The following RMND1 variants were observed in gnomAD, a reference collection of about 807,000 sequenced individuals.
RMND1 encodes required for meiotic nuclear division protein 1 homolog.
RMND1 carries 41 observed loss-of-function variants against 54.0 expected under a neutral mutation model. That is an observed-to-expected ratio of 0.76 (90% confidence interval 0.59 to 0.98). The LOEUF (loss-of-function observed/expected upper bound fraction) is 0.98, where lower values mean the gene tolerates loss of function less well. Among genes scored for constraint, RMND1 ranks in the 50% least tolerant of loss-of-function variants. The pLI, the probability that RMND1 is intolerant of heterozygous loss-of-function variation, is 0.00. For missense variants in RMND1, 457 were observed against 532.0 expected (o/e 0.86, Z 1.39); for synonymous variants, 183 against 181.7 (o/e 1.01, Z -0.06).
Position 151,431,937 on chromosome 6 carries a change from CTTT to C in RMND1, c.689+1215_689+1217del, listed in dbSNP as rs945752741. Among the ~76,000 whole-genome samples, 128 of 143,774 alleles carry C rather than the reference CTTT, an allele frequency of 8.9e-4. 2 individuals are homozygous for C. The highest frequency in any genetic ancestry group is 7.9e-3 in the Admixed American group (114 of 14,384). 94.3% of individuals were successfully genotyped at this position (143,774 alleles called of 152,430 possible). ...AGGCTTGCATTATATTTCTTTCTTT[CTTT>C]TTTTTTTTTTCTTTGAGGCAGAGTC... On this transcript the variant is annotated intron_variant, in intron 4 of 11. Transcript: ENST00000444024.
chr6:151,416,913 CTCT>C (rs995770082), intron 10 of RMND1: 1 of 157,782 alleles, frequency 6.3e-6, no homozygotes, highest in Non-Finnish European at 1.4e-5. Flanking sequence ...TCTCCATGGC[CTCT>C]TATTACCCAT....
At chr6:151,428,694 G>C (rs1321797699) in intron 5 of RMND1, among the ~76,000 whole-genome samples, 1 of 152,062 alleles carries the variant, frequency 6.6e-6, no homozygotes, top group Non-Finnish European at 1.5e-5. Flanking sequence ...ACCACACCTG[G>C]CTAACTTCTA....
At chr6:151,408,517 T>C (rs896539962) in intron 10 of RMND1, 1 of 152,096 alleles carries the variant, frequency 6.6e-6, no homozygotes, top group Non-Finnish European at 1.5e-5. Flanking sequence ...GTACTACATA[T>C]GGTATAGGCA....
intron 6 of RMND1, among the ~76,000 whole-genome samples, chr6:151,426,885 T>C (rs903274381): frequency 6.6e-6 from 1 of 151,974 alleles, no homozygotes; most frequent in African/African-American, 2.4e-5. Context: ...TTCTCCTGTC[T>C]CAGCCTCCCG....
chr6:151,405,590 A>T, intron 11 of RMND1, 130 bp downstream of exon 11: 1 of 631,784 alleles, frequency 1.6e-6, no homozygotes, highest in South Asian at 2.0e-5. Context: ...TTCCAAATAG[A>T]GTTAGTAATG....
chr6:151,437,794 T>A (rs1447991828), intron 2 of RMND1, among the ~76,000 whole-genome samples: 1 of 152,162 alleles, frequency 6.6e-6, no homozygotes, highest in Non-Finnish European at 1.5e-5. Flanking sequence ...CTGACCCCAT[T>A]TGCCCTTCCT....
intron 1 of RMND1, among the ~76,000 whole-genome samples, chr6:151,446,777 C>T (rs1175257319): frequency 6.6e-6 from 1 of 151,960 alleles, no homozygotes; most frequent in Non-Finnish European, 1.5e-5. Context: ...AGCATAGTGG[C>T]TTTAATCCCA....
intron 1 of RMND1, among the ~76,000 whole-genome samples, chr6:151,450,549 C>T (rs867701685): frequency 2.7e-5 from 4 of 146,610 alleles, no homozygotes; most frequent in Non-Finnish European, 3.0e-5. Flanking sequence ...GCCCCCCGCC[C>T]GGCCAGCCGC....
At chr6:151,408,491 T>C (rs1260151000) in intron 10 of RMND1, among the ~76,000 whole-genome samples, 3 of 152,022 alleles carry the variant, frequency 2.0e-5, no homozygotes, top group Non-Finnish European at 2.9e-5. Context: ...TAGTACCAGA[T>C]TGTGAGAGGT....
Position 151,405,279 on chromosome 6 carries a change from A to T in RMND1, c.1318-12T>A. ...AGCTCAAACATTACCTTAGAATAGAAAGTGAGAATTATTTCATGACGGGCA... is the reference window on the plus strand; with the variant it reads ...AGCTCAAACATTACCTTAGAATAGATAGTGAGAATTATTTCATGACGGGCA... On this transcript the variant is annotated splice_polypyrimidine_tract_variant and intron_variant, in intron 11 of 11. Transcript: ENST00000444024. 6.2e-7 allele frequency: 1 copy of T among 1,611,554 alleles called. No homozygotes were observed. Among genetic ancestry groups the T allele is most frequent in the Non-Finnish European group, 8.5e-7 (1 of 1,177,838 alleles).
At chr6:151,450,849 C>G (rs1178563945) in intron 1 of RMND1, among the ~76,000 whole-genome samples, 2 of 152,138 alleles carry the variant, frequency 1.3e-5, no homozygotes, top group African/African-American at 2.4e-5. Context: ...TCATTTTGTT[C>G]CATACTAAGA....
At chr6:151,431,901 C>T (rs2114951883) in intron 4 of RMND1, among the ~76,000 whole-genome samples, 1 of 151,144 alleles carries the variant, frequency 6.6e-6, no homozygotes, top group South Asian at 2.1e-4. Context: ...GAAAATGTAT[C>T]ATTACATATG....
intron 10 of RMND1, among the ~76,000 whole-genome samples, chr6:151,415,033 G>T (rs368420919): frequency 2.0e-5 from 3 of 148,042 alleles, no homozygotes; most frequent in South Asian, 2.1e-4. Context: ...TAAAAGAATG[G>T]CTAAATAAAG....
At chr6:151,444,913 A>T (rs1780906394) in intron 2 of RMND1, 1 of 160,364 alleles carries the variant, frequency 6.2e-6, no homozygotes. Context: ...ACAGCCTAAT[A>T]AAGGCTTATC....
At chr6:151,427,135 T>C (rs1287514254) in intron 6 of RMND1, among the ~76,000 whole-genome samples, 2 of 151,964 alleles carry the variant, frequency 1.3e-5, no homozygotes, top group African/African-American at 2.4e-5. Context: ...TCCCAGCACT[T>C]TGAGAGGCTG....
intron 1 of RMND1, among the ~76,000 whole-genome samples, chr6:151,451,615 C>T (rs1781201048): frequency 6.6e-6 from 1 of 152,060 alleles, no homozygotes; most frequent in African/African-American, 2.4e-5. Context: ...AGTAGGCATT[C>T]GATCGAATTT....
chr6:151,412,195 T>C (rs1645041299), intron 10 of RMND1, among the ~76,000 whole-genome samples: 2 of 152,136 alleles, frequency 1.3e-5, no homozygotes, highest in Admixed American at 1.3e-4. Context: ...AGAGACAGGG[T>C]TTCACCATGT....
intron 6 of RMND1, among the ~76,000 whole-genome samples, chr6:151,426,831 G>A (rs1291121801): frequency 2.4e-4 from 36 of 151,862 alleles, no homozygotes; most frequent in African/African-American, 8.5e-4. Context: ...GTGCAATGGC[G>A]TGATCTCGGC....
intron 1 of RMND1, among the ~76,000 whole-genome samples, chr6:151,450,692 T>C (rs1200512571): frequency 1.3e-5 from 2 of 151,330 alleles, no homozygotes; most frequent in Non-Finnish European, 2.9e-5. Flanking sequence ...CCACCCCGTC[T>C]GGGAGGTGTA....
Sources: allele counts gnomAD v4.1 joint callset (sites outside exome capture counted in the v4.1 genomes callset), GRCh38; gene constraint gnomAD v4.1.1; transcripts MANE v1.5; gene names NCBI Gene and HGNC (gene_info 2026-07-23, HGNC 2026-07-21).